Variants in DNM3 observed in about 807,000 individuals in gnomAD.
DNM3 encodes dynamin 3, also known as dynamin-3.
In DNM3, 47 loss-of-function variants were observed where a neutral mutation model predicts 101.6. That is an observed-to-expected ratio of 0.46 (90% CI 0.37 to 0.59). The LOEUF is 0.59. Among genes scored for constraint, DNM3 ranks in the 20% least tolerant of loss-of-function variants. The pLI is 0.00. For synonymous variants in DNM3, 385 were observed against 387.9 expected, an observed-to-expected ratio of 0.99 and a Z score of 0.09; for missense variants, 849 against 1,085.7, an observed-to-expected ratio of 0.78 and a Z score of 3.06.
intron 1 of DNM3, among the ~76,000 whole-genome samples, chr1:171,880,791 C>T (rs2036199251): frequency 6.6e-6 from 1 of 152,012 alleles, no homozygotes; most frequent in Non-Finnish European, 1.5e-5. Context: ...ATATTAAAAA[C>T]ATTTAATCCC....
intron 17 of DNM3, among the ~76,000 whole-genome samples, chr1:172,346,412 G>A (rs897925848): frequency 3.3e-5 from 5 of 152,316 alleles, no homozygotes; most frequent in African/African-American, 1.2e-4. Flanking sequence ...GCTGGGCCTT[G>A]TATGCCAAGG....
chr1:172,244,152 G>T (rs560778710), intron 14 of DNM3, among the ~76,000 whole-genome samples: 2 of 152,094 alleles, frequency 1.3e-5, no homozygotes, highest in Non-Finnish European at 2.9e-5. Flanking sequence ...TACTGAGAAT[G>T]ATGATTTCCA....
rs2071269378 is a variant in DNM3, at chr1:172,412,528, T to C, written c.*4687T>C. On this transcript the variant is annotated 3_prime_UTR_variant, in exon 21 of 21. Coordinates refer to ENST00000627582, the MANE Select transcript of DNM3 (RefSeq NM_015569.5). ...TCTTCTCTGCTGATTCTTTAATTAA[T>C]ATGAGCCGGATACTTTCCACTGTCT... 2 of 985,724 alleles carry C rather than the reference T, an allele frequency of 2.0e-6. No individual in the cohort carries two copies. The highest frequency in any genetic ancestry group is 6.1e-5 in the Admixed American group (1 of 16,288). 61.1% of individuals were successfully genotyped at this position (985,724 alleles called of 1,614,324 possible).
chr1:172,244,961 G>A (rs1470710097), intron 14 of DNM3, among the ~76,000 whole-genome samples: 1 of 152,088 alleles, frequency 6.6e-6, no homozygotes, highest in African/African-American at 2.4e-5. Context: ...TATTATTCTG[G>A]TATTCTCAAT....
chr1:172,232,621 C>T (rs1469126527), intron 14 of DNM3, among the ~76,000 whole-genome samples: 8 of 152,198 alleles, frequency 5.3e-5, no homozygotes, highest in Admixed American at 1.3e-4. Flanking sequence ...GTTCCAAAAT[C>T]GACCACATAG....
chr1:172,342,983 C>G (rs182142135), intron 17 of DNM3, among the ~76,000 whole-genome samples: 79 of 152,224 alleles, frequency 5.2e-4, no homozygotes, highest in African/African-American at 1.8e-3. Context: ...AACTCCATAG[C>G]AATAAACTTG....
At chr1:172,312,081 G>C (rs1029351801) in intron 16 of DNM3, among the ~76,000 whole-genome samples, 2 of 152,158 alleles carry the variant, frequency 1.3e-5, no homozygotes, top group African/African-American at 4.8e-5. Context: ...TCTATTTTGT[G>C]AACACTCACT....
At chr1:172,027,585 A>AACACACACACACACAC (rs61620821) in intron 4 of DNM3, among the ~76,000 whole-genome samples, 12 of 141,406 alleles carry the variant, frequency 8.5e-5, no homozygotes, top group African/African-American at 2.6e-4. Context: ...TGTCTCAAGA[A>AACACACACACACACAC]ACACACACAC....
At chr1:172,366,966 G>A (rs1443361433) in intron 17 of DNM3, among the ~76,000 whole-genome samples, 1 of 151,924 alleles carries the variant, frequency 6.6e-6, no homozygotes, top group East Asian at 1.9e-4. Context: ...ACCTTTGCGT[G>A]TCTTGATAGA....
At chr1:172,316,262 C>T (rs1187645278) in intron 16 of DNM3, among the ~76,000 whole-genome samples, 4 of 151,886 alleles carry the variant, frequency 2.6e-5, no homozygotes, top group African/African-American at 7.3e-5. Flanking sequence ...AAGGAAAAAC[C>T]GGTACCAGCC....
chr1:171,882,033 G>C (rs998961030), intron 1 of DNM3, among the ~76,000 whole-genome samples: 1 of 152,026 alleles, frequency 6.6e-6, no homozygotes, highest in African/African-American at 2.4e-5. Flanking sequence ...ACTTGTAGAA[G>C]AGTTGCAAGA....
intron 13 of DNM3, among the ~76,000 whole-genome samples, chr1:172,096,563 T>C (rs1476645501): frequency 2.0e-5 from 3 of 152,188 alleles, no homozygotes; most frequent in Non-Finnish European, 4.4e-5. Context: ...CTTCAATGCA[T>C]CAAGATTTAT....
chr1:172,319,079 C>A (rs951830205), intron 16 of DNM3, among the ~76,000 whole-genome samples: 5 of 151,956 alleles, frequency 3.3e-5, no homozygotes, highest in Non-Finnish European at 7.4e-5. Flanking sequence ...TCAGAAATAA[C>A]GCCGCATATC....
At chr1:172,001,769 G>T (rs2046370619) in intron 4 of DNM3, among the ~76,000 whole-genome samples, 1 of 151,966 alleles carries the variant, frequency 6.6e-6, no homozygotes, top group African/African-American at 2.4e-5. Flanking sequence ...TCAGCTGGTG[G>T]CAGACTTTTA....
chr1:171,867,216 A>G (rs1294557707), intron 1 of DNM3, among the ~76,000 whole-genome samples: 2 of 152,210 alleles, frequency 1.3e-5, no homozygotes, highest in Non-Finnish European at 2.9e-5. Context: ...TGATTTGAAG[A>G]AAACTAGTGT....
At chr1:171,967,470 T>C (rs1192606575) in intron 2 of DNM3, among the ~76,000 whole-genome samples, 2 of 152,126 alleles carry the variant, frequency 1.3e-5, no homozygotes, top group East Asian at 1.9e-4. Context: ...GTTCTGACTT[T>C]CCTCTGTCTC....
chr1:172,371,877 ATTT>A (rs1014110120), intron 17 of DNM3, among the ~76,000 whole-genome samples: 1 of 143,182 alleles, frequency 7.0e-6, no homozygotes, highest in South Asian at 2.2e-4. Context: ...TTTATTTTTT[ATTT>A]TTTTTACTTT....
At chr1:172,263,838 T>C (rs1436491262) in intron 15 of DNM3, among the ~76,000 whole-genome samples, 1 of 152,192 alleles carries the variant, frequency 6.6e-6, no homozygotes, top group Non-Finnish European at 1.5e-5. Flanking sequence ...TTTTCTTGTT[T>C]TGAGAACATT....
chr1:172,159,811 A>C (rs1374831831), intron 14 of DNM3, among the ~76,000 whole-genome samples: 1 of 152,096 alleles, frequency 6.6e-6, no homozygotes, highest in African/African-American at 2.4e-5. Flanking sequence ...TAACAATGGG[A>C]ATACATTTAG....
Sources: allele counts gnomAD v4.1 joint callset (sites outside exome capture counted in the v4.1 genomes callset), GRCh38; gene constraint gnomAD v4.1.1; transcripts MANE v1.5; gene names NCBI Gene and HGNC (gene_info 2026-07-23, HGNC 2026-07-21).